Variants in UBE2E2 observed in about 807,000 individuals in gnomAD.
The protein encoded by UBE2E2 is ubiquitin conjugating enzyme E2 E2.
Under a neutral mutation model 24.7 loss-of-function variants are expected in UBE2E2, and 6 were observed. The ratio of observed to expected loss-of-function variants is 0.24; its 90% CI spans 0.13 to 0.48. UBE2E2 has a LOEUF of 0.48. UBE2E2 is among the 20% of genes least tolerant of loss of function. The pLI, the probability that UBE2E2 is intolerant of heterozygous loss-of-function variation, is 0.99. For synonymous variants in UBE2E2, 104 were observed against 83.6 expected (o/e 1.24, Z -1.33); for missense variants, 169 against 245.0 (o/e 0.69, Z 2.07).
intron 1 of UBE2E2, 150 bp downstream of exon 1, chr3:23,203,614 C>T: frequency 2.5e-6 from 1 of 393,200 alleles, no homozygotes; most frequent in Non-Finnish European, 3.4e-6. Flanking sequence ...CTCCCCGTGC[C>T]CGGTTCCCTA....
chr3:23,522,575 C>CT (rs997696960), intron 4 of UBE2E2, among the ~76,000 whole-genome samples: 18 of 151,894 alleles, frequency 1.2e-4, no homozygotes, highest in African/African-American at 4.1e-4. Context: ...AACCCCTCCA[C>CT]TTTTTTTTAA....
At chr3:23,337,350 A>T (rs901535779) in intron 3 of UBE2E2, among the ~76,000 whole-genome samples, 7 of 152,166 alleles carry the variant, frequency 4.6e-5, no homozygotes, top group African/African-American at 1.7e-4. Context: ...TCATTTAGGC[A>T]TTCATTCAGT....
chr3:23,218,304 A>G (rs1350710173), intron 3 of UBE2E2, among the ~76,000 whole-genome samples: 2 of 152,192 alleles, frequency 1.3e-5, no homozygotes. Context: ...ATAAACTTAC[A>G]GTAATAATAT....
chr3:23,440,494 G>A (rs943277518), intron 3 of UBE2E2, among the ~76,000 whole-genome samples: 1 of 152,162 alleles, frequency 6.6e-6, no homozygotes, highest in Non-Finnish European at 1.5e-5. Flanking sequence ...TTCAAAATCT[G>A]TAAACGGACC....
chr3:23,307,436 T>G (rs555017018), intron 3 of UBE2E2, among the ~76,000 whole-genome samples: 44 of 152,300 alleles, frequency 2.9e-4, no homozygotes, highest in African/African-American at 1.0e-3. Context: ...TTACCTCTAC[T>G]CCCTGTACCT....
chr3:23,286,672 T>C (rs982297187), intron 3 of UBE2E2, among the ~76,000 whole-genome samples: 2 of 152,196 alleles, frequency 1.3e-5, no homozygotes, highest in Non-Finnish European at 2.9e-5. Flanking sequence ...GATTACTTTT[T>C]CTGTTTCTGT....
chr3:23,370,554 A>G (rs556956921), intron 3 of UBE2E2, among the ~76,000 whole-genome samples: 1 of 152,326 alleles, frequency 6.6e-6, no homozygotes, highest in African/African-American at 2.4e-5. Context: ...TATGGTAGTT[A>G]AGAACTTTCT....
intron 3 of UBE2E2, among the ~76,000 whole-genome samples, chr3:23,446,985 C>T (rs1698449130): frequency 6.6e-6 from 1 of 152,124 alleles, no homozygotes; most frequent in Non-Finnish European, 1.5e-5. Flanking sequence ...GTTATCCATG[C>T]AAAACAGTCC....
intron 3 of UBE2E2, among the ~76,000 whole-genome samples, chr3:23,394,776 C>T (rs747515816): frequency 5.3e-5 from 8 of 152,148 alleles, no homozygotes; most frequent in Non-Finnish European, 8.8e-5. Context: ...GTTTTCATTT[C>T]GATCCCCAAA....
At chr3:23,326,857 T>TGTTC (rs1204044667) in intron 3 of UBE2E2, among the ~76,000 whole-genome samples, 1 of 152,018 alleles carries the variant, frequency 6.6e-6, no homozygotes, top group Admixed American at 6.6e-5. Flanking sequence ...TGGTGTGGGA[T>TGTTC]GTTCCCCACC....
chr3:23,532,191 A>G (rs1695138896), intron 4 of UBE2E2, among the ~76,000 whole-genome samples: 1 of 152,188 alleles, frequency 6.6e-6, no homozygotes, highest in African/African-American at 2.4e-5. Context: ...GAATCTAACA[A>G]AAGTTTTCTT....
intron 3 of UBE2E2, among the ~76,000 whole-genome samples, chr3:23,342,876 T>C (rs1447889379): frequency 6.6e-6 from 1 of 152,128 alleles, no homozygotes; most frequent in Admixed American, 6.5e-5. Flanking sequence ...AACCAAACTA[T>C]TGAAACCATT....
At chr3:23,255,273 T>C (rs1205011237) in intron 3 of UBE2E2, among the ~76,000 whole-genome samples, 1 of 151,054 alleles carries the variant, frequency 6.6e-6, no homozygotes, top group Non-Finnish European at 1.5e-5. Flanking sequence ...TTTTTTTTTT[T>C]GGTAACGATA....
At chr3:23,416,643 T>G (rs1272800134) in intron 3 of UBE2E2, among the ~76,000 whole-genome samples, 1 of 152,208 alleles carries the variant, frequency 6.6e-6, no homozygotes, top group Non-Finnish European at 1.5e-5. Flanking sequence ...TCCTGCAGTG[T>G]TTTCCAACTT....
chr3:23,386,249 T>C (rs1696801879), intron 3 of UBE2E2, among the ~76,000 whole-genome samples: 1 of 151,956 alleles, frequency 6.6e-6, no homozygotes, highest in Non-Finnish European at 1.5e-5. Context: ...AGATTTGGTG[T>C]CTAGTGAGGG....
intron 5 of UBE2E2, among the ~76,000 whole-genome samples, chr3:23,554,939 T>C (rs1308258502): frequency 1.3e-5 from 2 of 151,794 alleles, no homozygotes; most frequent in Non-Finnish European, 2.9e-5. Context: ...CTTTTTGAGA[T>C]GGAGTATGGC....
At chr3:23,317,047 G>T (rs1694601014) in intron 3 of UBE2E2, among the ~76,000 whole-genome samples, 1 of 152,138 alleles carries the variant, frequency 6.6e-6, no homozygotes, top group Non-Finnish European at 1.5e-5. Context: ...CACTTTTGTT[G>T]CTGTGAGCTG....
chr3:23,358,330 C>T (rs1696022663), intron 3 of UBE2E2, among the ~76,000 whole-genome samples: 1 of 152,130 alleles, frequency 6.6e-6, no homozygotes, highest in Non-Finnish European at 1.5e-5. Context: ...AGAAAAATAA[C>T]TTTGTGTATG....
chr3:23,528,197 GTGT>G (rs948859316), intron 4 of UBE2E2, among the ~76,000 whole-genome samples: 1 of 152,234 alleles, frequency 6.6e-6, no homozygotes, highest in Non-Finnish European at 1.5e-5. Flanking sequence ...GAAGTCTTCT[GTGT>G]TGAGAGAGTA....
Sources: gnomAD v4.1 joint callset for allele counts (sites outside exome capture counted in the v4.1 genomes callset) on GRCh38, gnomAD v4.1.1 for gene constraint, MANE v1.5 for transcripts, NCBI Gene and HGNC (gene_info 2026-07-23, HGNC 2026-07-21) for gene names.